FLRT2: variants seen among roughly 807,000 people sequenced by gnomAD.
FLRT2 encodes leucine-rich repeat transmembrane protein FLRT2.
In FLRT2, 15 loss-of-function variants were observed where a neutral mutation model predicts 40.0. The observed-to-expected ratio is 0.38, with a 90% CI of 0.25 to 0.58. The LOEUF (loss-of-function observed/expected upper bound fraction) is 0.58, where lower values mean the gene tolerates loss of function less well. FLRT2 is among the 20% of genes least tolerant of loss of function. FLRT2 has a pLI of 0.71. For synonymous variants in FLRT2, 380 were observed against 336.8 expected (o/e 1.13, Z -1.41); for missense variants, 726 against 840.0 (o/e 0.86, Z 1.68).
Position 85,647,420 on chromosome 14 carries a change from C to T in FLRT2, c.*23923C>T, listed in dbSNP as rs1409384330. On this transcript the variant is annotated 3_prime_UTR_variant, in exon 2 of 2. Coordinates refer to ENST00000330753, the MANE Select transcript of FLRT2 (RefSeq NM_013231.6). ...AGGGATGGAACTGGGAGAGATAACA[C>T]TCATTTTTCACCTACGCATCACTCA... 6.6e-6 allele frequency: 1 copy of T among 152,150 alleles called. No individual in the cohort carries two copies. The highest frequency in any genetic ancestry group is 1.5e-5 in the Non-Finnish European group (1 of 68,032). The allele number at this position is 152,150 out of a possible 1,614,324, so 9.4% of individuals were successfully genotyped here. A position where few individuals can be genotyped will look rare whatever the true frequency, so the allele number is the denominator to read the frequency against.
chr14:85,619,169 C>T (rs937950794), intron 1 of FLRT2, among the ~76,000 whole-genome samples: 7 of 151,574 alleles, frequency 4.6e-5, no homozygotes, highest in Admixed American at 6.6e-5. Flanking sequence ...GGCTCACCTC[C>T]GCCTCCCAGG....
In FLRT2 at chr14:85,637,302, T is replaced by C. The variant is rs942900607; in HGVS notation, c.*13805T>C. Reference sequence around the variant, plus strand: ...AAGTCATATAAGAATCACCATGGCATAGACATGGTAGGAAAAGCATTAGCT... The same window carrying C: ...AAGTCATATAAGAATCACCATGGCACAGACATGGTAGGAAAAGCATTAGCT... On this transcript the variant is annotated 3_prime_UTR_variant, in exon 2 of 2. Transcript: ENST00000330753. 6 of 152,200 alleles carry C rather than the reference T, an allele frequency of 3.9e-5. No homozygotes were observed. The highest frequency in any genetic ancestry group is 1.2e-4 in the African/African-American group (5 of 41,448). The allele number at this position is 152,200 out of a possible 1,614,324, so 9.4% of individuals were successfully genotyped here.
At chr14:85,599,726 C>T (rs531581409) in intron 1 of FLRT2, among the ~76,000 whole-genome samples, 33 of 152,226 alleles carry the variant, frequency 2.2e-4, no homozygotes, top group African/African-American at 6.3e-4. Context: ...CTTCTTTCCT[C>T]CTTTTCTTTC....
intron 1 of FLRT2, among the ~76,000 whole-genome samples, chr14:85,565,981 T>G (rs1267244631): frequency 6.6e-6 from 1 of 152,142 alleles, no homozygotes; most frequent in Non-Finnish European, 1.5e-5. Flanking sequence ...ACACCGATTT[T>G]TTTGTCAACT....
chr14:85,571,799 C>G (rs112949062), intron 1 of FLRT2, among the ~76,000 whole-genome samples: 1 of 152,122 alleles, frequency 6.6e-6, no homozygotes, highest in Admixed American at 6.5e-5. Flanking sequence ...TTTCTCACTA[C>G]GGTGACCTAA....
intron 1 of FLRT2, among the ~76,000 whole-genome samples, chr14:85,582,542 G>A (rs1348613273): frequency 6.1e-5 from 9 of 148,048 alleles, no homozygotes; most frequent in South Asian, 2.1e-4. Flanking sequence ...ATCCTCTCTG[G>A]GATCAGTTTC....
In FLRT2 at chr14:85,636,253, A is replaced by G. The variant is rs1029739340; in HGVS notation, c.*12756A>G. 4.6e-5 allele frequency: 7 copies of G among 152,088 alleles called. No homozygotes were observed. Among genetic ancestry groups the G allele is most frequent in the African/African-American group, 1.7e-4 (7 of 41,440 alleles). 9.4% of individuals were successfully genotyped at this position (152,088 alleles called of 1,614,324 possible). On this transcript the variant is annotated 3_prime_UTR_variant, in exon 2 of 2. Coordinates refer to ENST00000330753, the MANE Select transcript of FLRT2 (RefSeq NM_013231.6). ...ATAAAGGACCAAAATAGTATTTTTAAAAGAATTTATCAAAGTAACTATAAT... is the reference window on the plus strand; with the variant it reads ...ATAAAGGACCAAAATAGTATTTTTAGAAGAATTTATCAAAGTAACTATAAT...
chr14:85,534,726 G>A (rs1304776765), intron 1 of FLRT2, among the ~76,000 whole-genome samples: 1 of 152,024 alleles, frequency 6.6e-6, no homozygotes, highest in Non-Finnish European at 1.5e-5. Context: ...TGTGCGCATT[G>A]AGGCGGCGGC....
chr14:85,557,671 G>T (rs531546267), intron 1 of FLRT2, among the ~76,000 whole-genome samples: 4 of 152,092 alleles, frequency 2.6e-5, no homozygotes, highest in Non-Finnish European at 4.4e-5. Context: ...ACAAAAATTA[G>T]CCGGGTGTGG....
chr14:85,586,569 C>A (rs1368361158), intron 1 of FLRT2, among the ~76,000 whole-genome samples: 1 of 151,996 alleles, frequency 6.6e-6, no homozygotes, highest in Admixed American at 6.6e-5. Context: ...AGAATACTTA[C>A]AATTGATGCT....
At chr14:85,618,811 A>G (rs1893252367) in intron 1 of FLRT2, among the ~76,000 whole-genome samples, 1 of 152,086 alleles carries the variant, frequency 6.6e-6, no homozygotes, top group Non-Finnish European at 1.5e-5. Context: ...TCTGGGCCTG[A>G]GGTTTAGCTT....
chr14:85,567,368 C>T (rs1258452739), intron 1 of FLRT2, among the ~76,000 whole-genome samples: 2 of 152,100 alleles, frequency 1.3e-5, no homozygotes, highest in Non-Finnish European at 1.5e-5. Flanking sequence ...TCTAGAAAAG[C>T]ATACACTCTG....
chr14:85,614,297 C>T (rs1012497002), intron 1 of FLRT2, among the ~76,000 whole-genome samples: 2 of 152,006 alleles, frequency 1.3e-5, no homozygotes, highest in Non-Finnish European at 2.9e-5. Context: ...CCTAATTGGT[C>T]CTCTTAGTTA....
intron 1 of FLRT2, among the ~76,000 whole-genome samples, chr14:85,618,608 A>G (rs1893239987): frequency 6.6e-6 from 1 of 152,208 alleles, no homozygotes; most frequent in Non-Finnish European, 1.5e-5. Context: ...GATGTAATTT[A>G]CATATAAGAT....
At chr14:85,536,435 T>A (rs932770848) in intron 1 of FLRT2, among the ~76,000 whole-genome samples, 3 of 152,190 alleles carry the variant, frequency 2.0e-5, no homozygotes, top group Non-Finnish European at 4.4e-5. Context: ...TTTTGCTCTC[T>A]GTTTAGAAGA....
rs1894015404 is a variant in FLRT2, at chr14:85,636,810, T to C, written c.*13313T>C. 1.3e-5 allele frequency: 2 copies of C among 151,502 alleles called. No homozygotes were observed. Among genetic ancestry groups the C allele is most frequent in the South Asian group, 4.2e-4 (2 of 4,788 alleles). 9.4% of individuals were successfully genotyped at this position (151,502 alleles called of 1,614,324 possible). On this transcript the variant is annotated 3_prime_UTR_variant, in exon 2 of 2. Transcript: ENST00000330753. ...AGGGTATGGTGGCAGGCGCCTGTTA[T>C]CCCAGCTACTTGGGAGGCTGAGGCA... is the stretch of plus-strand genomic sequence containing the variant.
chr14:85,622,073 G>A lies in FLRT2; in HGVS notation c.559G>A (p.Val187Met), dbSNP rs993083239. The A allele has an allele frequency of 8.1e-6, 13 of 1,613,990 alleles. No homozygotes were observed. Among genetic ancestry groups the A allele is most frequent in the Non-Finnish European group, 1.1e-5 (13 of 1,180,028 alleles). ...TCCTGTGGACTTGCAAGAGCTGAGAGTGGATGAAAATCGAATTGCTGTCAT... is the reference window on the plus strand; with the variant it reads ...TCCTGTGGACTTGCAAGAGCTGAGAATGGATGAAAATCGAATTGCTGTCAT... ...GLPVDLQELRVDENRIAVISD... is the reference protein window; with the variant it reads ...GLPVDLQELRMDENRIAVISD... Residue 187 changes from valine to methionine, a missense_variant, in exon 2 of 2, where the codon GTG (valine) becomes ATG (methionine). Physicochemically the swap from Val to Met is conservative, Grantham distance 21. This residue lies in a region of FLRT2 where 611 missense variants were observed against 690.0 expected (regional missense o/e 0.89). Coordinates refer to ENST00000330753, the MANE Select transcript of FLRT2 (RefSeq NM_013231.6).
intron 1 of FLRT2, among the ~76,000 whole-genome samples, chr14:85,592,252 G>C (rs1012958058): frequency 6.6e-6 from 1 of 152,244 alleles, no homozygotes; most frequent in Non-Finnish European, 1.5e-5. Context: ...GAAGGTGGTA[G>C]CTCCCCTTTC....
Position 85,633,334 on chromosome 14 carries a change from T to A in FLRT2, c.*9837T>A, listed in dbSNP as rs1436877086. 1 of 152,054 alleles carries A rather than the reference T, an allele frequency of 6.6e-6. No individual in the cohort carries two copies. Among genetic ancestry groups the A allele is most frequent in the Non-Finnish European group, 1.5e-5 (1 of 68,018 alleles). 9.4% of individuals were successfully genotyped at this position (152,054 alleles called of 1,614,324 possible). A position where few individuals can be genotyped will look rare whatever the true frequency, so the allele number is the denominator to read the frequency against. On this transcript the variant is annotated 3_prime_UTR_variant, in exon 2 of 2. Coordinates refer to ENST00000330753, the MANE Select transcript of FLRT2 (RefSeq NM_013231.6). ...TGGTGTGTGGGATCATTGAACAACATGGTTGAACAGAAAGAGAACAGACTT... is the reference window on the plus strand; with the variant it reads ...TGGTGTGTGGGATCATTGAACAACAAGGTTGAACAGAAAGAGAACAGACTT...
Sources: gnomAD v4.1 joint callset for allele counts (sites outside exome capture counted in the v4.1 genomes callset) on GRCh38, gnomAD v4.1.1 for gene constraint, gnomAD v4.1.1 regional missense constraint, MANE v1.5 for transcripts, NCBI Gene and HGNC (gene_info 2026-07-23, HGNC 2026-07-21) for gene names.